The following CNTNAP2 variants were observed in gnomAD, a reference collection of about 807,000 sequenced individuals.
CNTNAP2 encodes the protein contactin-associated protein-like 2.
A neutral mutation model predicts 155.2 loss-of-function variants in CNTNAP2; 98 were observed. The observed-to-expected ratio is 0.63, with a 90% CI of 0.54 to 0.75. The LOEUF is 0.75. Among genes scored for constraint, CNTNAP2 ranks in the 30% least tolerant of loss-of-function variants. CNTNAP2 has a pLI of 0.00. For missense variants in CNTNAP2, 1,727 were observed against 1,688.1 expected (o/e 1.02, Z -0.40); for synonymous variants, 651 against 631.2 (o/e 1.03, Z -0.47).
At chr7:148,142,871 G>T (rs1245821475) in intron 16 of CNTNAP2, among the ~76,000 whole-genome samples, 3 of 152,346 alleles carry the variant, frequency 2.0e-5, no homozygotes, top group African/African-American at 7.2e-5. Flanking sequence ...GGAAGGGGAA[G>T]CGTGAACATG....
chr7:147,039,714 G>A (rs1307750409), intron 3 of CNTNAP2, among the ~76,000 whole-genome samples: 1 of 152,100 alleles, frequency 6.6e-6, no homozygotes, highest in Non-Finnish European at 1.5e-5. Flanking sequence ...TGGGTCAAAT[G>A]GTAGTTTTTC....
At chr7:147,418,803 G>A (rs548261168) in intron 10 of CNTNAP2, among the ~76,000 whole-genome samples, 1 of 152,114 alleles carries the variant, frequency 6.6e-6, no homozygotes, top group Non-Finnish European at 1.5e-5. Flanking sequence ...TTTAACAACG[G>A]TCTACTTTAC....
At chr7:147,065,822 A>T (rs913462884) in intron 4 of CNTNAP2, among the ~76,000 whole-genome samples, 1 of 152,178 alleles carries the variant, frequency 6.6e-6, no homozygotes, top group Non-Finnish European at 1.5e-5. Context: ...AGAAATTATT[A>T]TAAGTAAAAA....
intron 13 of CNTNAP2, among the ~76,000 whole-genome samples, chr7:147,709,647 C>G (rs867668139): frequency 6.6e-6 from 1 of 152,116 alleles, no homozygotes; most frequent in African/African-American, 2.4e-5. Flanking sequence ...TTGATACATA[C>G]CGAGCAGCCT....
At position 147,761,374 on chromosome 7, in the gene CNTNAP2, C is replaced by A. The variant is rs141168083; in HGVS notation, c.2098+122068C>A. ...CTGCTTTTCTCTTCCCAACTCCAAG[C>A]ACATGCCTGTGCTTATAAAAAATGA... On this transcript the variant is annotated intron_variant, in intron 13 of 23. Transcript: ENST00000361727. 9.4e-3 allele frequency among the ~76,000 whole-genome samples: 1,430 copies of A among 152,286 alleles called. 89 individuals carry two copies. The highest frequency in any genetic ancestry group is 0.087 in the Admixed American group (1,330 of 15,294).
At chr7:146,691,441 T>C (rs996818326) in intron 1 of CNTNAP2, among the ~76,000 whole-genome samples, 4 of 152,128 alleles carry the variant, frequency 2.6e-5, no homozygotes. Flanking sequence ...TGAGCAAAAT[T>C]ATCTAACACA....
chr7:147,198,259 G>A (rs1302723983), intron 8 of CNTNAP2, among the ~76,000 whole-genome samples: 5 of 72,814 alleles, frequency 6.9e-5, no homozygotes, highest in Non-Finnish European at 8.8e-5. Flanking sequence ...TTTTTGAGAC[G>A]AAGTCTCGTA....
intron 8 of CNTNAP2, among the ~76,000 whole-genome samples, chr7:147,261,477 A>G (rs918325659): frequency 6.6e-6 from 1 of 152,164 alleles, no homozygotes; most frequent in Non-Finnish European, 1.5e-5. Flanking sequence ...TTGTTCAGCC[A>G]GTGCTGGTAC....
intron 11 of CNTNAP2, among the ~76,000 whole-genome samples, chr7:147,492,044 A>G (rs1454754888): frequency 1.3e-5 from 2 of 152,192 alleles, no homozygotes; most frequent in Non-Finnish European, 2.9e-5. Context: ...TGCAACAAAG[A>G]TAATATCTTA....
Position 147,793,049 on chromosome 7 carries a change from C to A in CNTNAP2, c.2099-110516C>A, listed in dbSNP as rs914295585. 2.0e-5 allele frequency among the ~76,000 whole-genome samples: 3 copies of A among 152,022 alleles called. No homozygotes were observed. The East Asian group carries it at 5.8e-4, about 29-fold the overall frequency. Reference sequence around the variant, plus strand: ...CCCACATTTTAATTGAATTATTAATCTTCTTTATTAATGAGTTGTAAGAGT... The same window carrying A: ...CCCACATTTTAATTGAATTATTAATATTCTTTATTAATGAGTTGTAAGAGT... On this transcript the variant is annotated intron_variant, in intron 13 of 23. Transcript: ENST00000361727.
Position 146,403,141 on chromosome 7 carries a change from A to T in CNTNAP2, c.97+286168A>T, listed in dbSNP as rs1050011628. 4.6e-5 allele frequency among the ~76,000 whole-genome samples: 7 copies of T among 152,262 alleles called. No individual in the cohort carries two copies. In the East Asian group the frequency reaches 1.2e-3, roughly 25 times the overall value. The stretch of plus-strand genomic sequence containing the variant: ...CATAATTTTTGGTAAGGGTGTGGCT[A>T]TAGAGGTTAGCCAATTCACATCAAT... On this transcript the variant is annotated intron_variant, in intron 1 of 23. Transcript: ENST00000361727.
At chr7:147,518,178 C>A (rs368954523) in intron 11 of CNTNAP2, among the ~76,000 whole-genome samples, 1 of 152,102 alleles carries the variant, frequency 6.6e-6, no homozygotes, top group Non-Finnish European at 1.5e-5. Context: ...CATATACCTG[C>A]GGTGTATCAT....
At chr7:146,881,755 ATTTTTTTTTT>A (rs11416504) in intron 3 of CNTNAP2, among the ~76,000 whole-genome samples, 6 of 123,686 alleles carry the variant, frequency 4.9e-5, no homozygotes, top group African/African-American at 1.9e-4. Context: ...GATCCCTATA[ATTTTTTTTTT>A]TTTTTTTTTT....
At chr7:146,438,727 AT>A (rs1191485819) in intron 1 of CNTNAP2, among the ~76,000 whole-genome samples, 5 of 151,542 alleles carry the variant, frequency 3.3e-5, no homozygotes, top group Non-Finnish European at 7.4e-5. Context: ...ACCAAAAACT[AT>A]TTTTACAATG....
chr7:146,859,598 A>C (rs1795057771), intron 3 of CNTNAP2, among the ~76,000 whole-genome samples: 1 of 152,070 alleles, frequency 6.6e-6, no homozygotes. Flanking sequence ...CAGAAGTTGC[A>C]GTGGGCCAAG....
chr7:146,335,493 G>A (rs764343254), intron 1 of CNTNAP2, among the ~76,000 whole-genome samples: 1 of 152,078 alleles, frequency 6.6e-6, no homozygotes, highest in Non-Finnish European at 1.5e-5. Context: ...ACTATAAGAA[G>A]GAGCCTCCCA....
At chr7:146,282,378 T>C (rs1229975290) in intron 1 of CNTNAP2, among the ~76,000 whole-genome samples, 1 of 152,232 alleles carries the variant, frequency 6.6e-6, no homozygotes, top group Non-Finnish European at 1.5e-5. Context: ...ATCTGTGACC[T>C]TGTCTGTCTC....
chr7:147,699,471 A>G (rs1584906747), intron 13 of CNTNAP2, among the ~76,000 whole-genome samples: 1 of 151,944 alleles, frequency 6.6e-6, no homozygotes, highest in African/African-American at 2.4e-5. Context: ...GCAAGGGGAG[A>G]GATAGCATTA....
chr7:146,885,194 C>G (rs1795631673), intron 3 of CNTNAP2, among the ~76,000 whole-genome samples: 1 of 152,022 alleles, frequency 6.6e-6, no homozygotes, highest in Non-Finnish European at 1.5e-5. Flanking sequence ...TAATTTGCTT[C>G]CGAAATGTTA....
Sources: allele counts gnomAD v4.1 joint callset (sites outside exome capture counted in the v4.1 genomes callset), GRCh38; gene constraint gnomAD v4.1.1; transcripts MANE v1.5; gene names NCBI Gene and HGNC (gene_info 2026-07-23, HGNC 2026-07-21).